The following CYP7B1 variants were observed in gnomAD, a reference collection of about 807,000 sequenced individuals.
CYP7B1 encodes the protein cytochrome P450 family 7 subfamily B member 1.
A neutral mutation model predicts 42.7 loss-of-function variants in CYP7B1; 29 were observed. The ratio of observed to expected loss-of-function variants is 0.68; its 90% CI spans 0.51 to 0.93. CYP7B1 has a LOEUF of 0.93. Among genes scored for constraint, CYP7B1 ranks in the 40% least tolerant of loss-of-function variants. The pLI, the probability that CYP7B1 is intolerant of heterozygous loss-of-function variation, is 0.00. For synonymous variants in CYP7B1, 235 were observed against 218.2 expected (o/e 1.08, Z -0.68); for missense variants, 655 against 600.5 (o/e 1.09, Z -0.95).
At chr8:64,745,001 CAT>C (rs1446758921) in intron 1 of CYP7B1, among the ~76,000 whole-genome samples, 1 of 152,156 alleles carries the variant, frequency 6.6e-6, no homozygotes, top group Non-Finnish European at 1.5e-5. Context: ...AATATAAACA[CAT>C]ATGCTTTTGT....
intron 1 of CYP7B1, among the ~76,000 whole-genome samples, chr8:64,743,664 T>C (rs777258553): frequency 5.3e-5 from 8 of 152,112 alleles, no homozygotes; most frequent in Non-Finnish European, 1.2e-4. Context: ...ATGACACCAG[T>C]CTGATTGGAT....
At chr8:64,718,754 G>C (rs1187811194) in intron 1 of CYP7B1, among the ~76,000 whole-genome samples, 1 of 152,216 alleles carries the variant, frequency 6.6e-6, no homozygotes, top group Non-Finnish European at 1.5e-5. Context: ...GCAGGTGCAA[G>C]ATATGGGCTA....
chr8:64,601,185 A>G (rs951632003), intron 5 of CYP7B1, among the ~76,000 whole-genome samples: 6 of 152,310 alleles, frequency 3.9e-5, no homozygotes, highest in Middle Eastern at 3.4e-3. Context: ...CAAATTTATT[A>G]ATCATTTTAT....
At chr8:64,654,331 T>C (rs1256791935) in intron 1 of CYP7B1, among the ~76,000 whole-genome samples, 1 of 152,184 alleles carries the variant, frequency 6.6e-6, no homozygotes, top group Non-Finnish European at 1.5e-5. Flanking sequence ...AGTTTCAGGA[T>C]ACAAAATTAG....
At chr8:64,604,493 C>T (rs917701864) in intron 5 of CYP7B1, among the ~76,000 whole-genome samples, 189 bp downstream of exon 5, 1 of 152,154 alleles carries the variant, frequency 6.6e-6, no homozygotes, top group African/African-American at 2.4e-5. Flanking sequence ...ATCATGGAAC[C>T]TTTCAAAGAT....
At chr8:64,682,611 GTCTGTGTTCCCCACCTT>G (rs1806556010) in intron 1 of CYP7B1, among the ~76,000 whole-genome samples, 1 of 152,170 alleles carries the variant, frequency 6.6e-6, no homozygotes, top group East Asian at 1.9e-4. Context: ...CAGTTCCTCT[GTCTGTGTTCCCCACCTT>G]TCCAGTATCT....
At chr8:64,638,036 G>T (rs186227306) in intron 1 of CYP7B1, among the ~76,000 whole-genome samples, 2 of 151,880 alleles carry the variant, frequency 1.3e-5, no homozygotes, top group Admixed American at 1.3e-4. Flanking sequence ...TATACTCTCC[G>T]ATTATACCTT....
At chr8:64,742,160 G>T (rs1221646463) in intron 1 of CYP7B1, among the ~76,000 whole-genome samples, 3 of 151,946 alleles carry the variant, frequency 2.0e-5, no homozygotes, top group South Asian at 2.1e-4. Context: ...CAGAAATTAT[G>T]ATCTGTACTG....
intron 4 of CYP7B1, among the ~76,000 whole-genome samples, chr8:64,608,178 T>C (rs1209717404): frequency 6.6e-6 from 1 of 152,218 alleles, no homozygotes; most frequent in Non-Finnish European, 1.5e-5. Flanking sequence ...TAAAATCTTT[T>C]ACAACACAAT....
At chr8:64,609,560 C>G (rs769954350) in intron 4 of CYP7B1, among the ~76,000 whole-genome samples, 1 of 152,140 alleles carries the variant, frequency 6.6e-6, no homozygotes, top group Non-Finnish European at 1.5e-5. Flanking sequence ...GGTGTTTAGC[C>G]TTTGCCATGC....
intron 1 of CYP7B1, among the ~76,000 whole-genome samples, chr8:64,741,624 A>T (rs887458179): frequency 6.6e-6 from 1 of 152,154 alleles, no homozygotes; most frequent in African/African-American, 2.4e-5. Flanking sequence ...AGCCCCCAAA[A>T]ATTCTTAAAC....
chr8:64,682,005 T>TA (rs1170697431), intron 1 of CYP7B1, among the ~76,000 whole-genome samples: 3 of 152,144 alleles, frequency 2.0e-5, no homozygotes, highest in Non-Finnish European at 4.4e-5. Context: ...GTTAAGGTAT[T>TA]AAGAGAAAAA....
intron 1 of CYP7B1, among the ~76,000 whole-genome samples, chr8:64,743,990 A>G (rs555020048): frequency 3.3e-5 from 5 of 152,322 alleles, no homozygotes; most frequent in African/African-American, 1.2e-4. Context: ...GTCATCATTC[A>G]AAATATCACT....
intron 1 of CYP7B1, among the ~76,000 whole-genome samples, chr8:64,682,428 T>C (rs943426737): frequency 1.7e-4 from 26 of 152,224 alleles, no homozygotes; most frequent in African/African-American, 6.0e-4. Context: ...AAGGGATACA[T>C]AGGAATAGAA....
At chr8:64,683,149 A>G (rs1399973788) in intron 1 of CYP7B1, among the ~76,000 whole-genome samples, 1 of 152,230 alleles carries the variant, frequency 6.6e-6, no homozygotes, top group African/African-American at 2.4e-5. Context: ...TCCCCCATTA[A>G]CAGTGTATTT....
At chr8:64,700,396 G>C (rs1422515417) in intron 1 of CYP7B1, among the ~76,000 whole-genome samples, 5 of 152,082 alleles carry the variant, frequency 3.3e-5, no homozygotes, top group Admixed American at 6.6e-5. Context: ...GTTTGCTTAT[G>C]TCCAGAATGA....
intron 1 of CYP7B1, among the ~76,000 whole-genome samples, chr8:64,786,566 G>A (rs1470041047): frequency 6.6e-6 from 1 of 152,142 alleles, no homozygotes; most frequent in Admixed American, 6.5e-5. Context: ...CCACTCCTGT[G>A]GCTTTGCAGG....
At chr8:64,710,117 C>T (rs1807059572) in intron 1 of CYP7B1, among the ~76,000 whole-genome samples, 1 of 152,134 alleles carries the variant, frequency 6.6e-6, no homozygotes, top group Admixed American at 6.6e-5. Context: ...GTCTCAGTAC[C>T]AGCCCCTGTG....
chr8:64,630,290 T>C lies in CYP7B1; in HGVS notation c.123-5751A>G, dbSNP rs529659520. ...CCAGAAATCAGGGCTCAAGAGAAATTTGAGTTCAGATATGAAGAAATAAAG... is the reference window on the plus strand; with the variant it reads ...CCAGAAATCAGGGCTCAAGAGAAATCTGAGTTCAGATATGAAGAAATAAAG... On this transcript the variant is annotated intron_variant, in intron 1 of 5. Transcript: ENST00000310193. Among the ~76,000 whole-genome samples, 69 of 152,328 alleles carry C rather than the reference T, an allele frequency of 4.5e-4. 1 individual carries two copies. The highest frequency in any genetic ancestry group is 8.2e-4 in the Non-Finnish European group (56 of 68,028).
Sources: gnomAD v4.1 joint callset for allele counts (sites outside exome capture counted in the v4.1 genomes callset) on GRCh38, gnomAD v4.1.1 for gene constraint, MANE v1.5 for transcripts, NCBI Gene and HGNC (gene_info 2026-07-23, HGNC 2026-07-21) for gene names.